Variants in CHST9 observed in about 807,000 individuals in gnomAD.
CHST9 encodes the protein GalNAc-4-sulfotransferase 2.
CHST9 carries 41 observed loss-of-function variants against 44.4 expected under a neutral mutation model. That is an observed-to-expected ratio of 0.92 (90% CI 0.72 to 1.20). The LOEUF (loss-of-function observed/expected upper bound fraction) is 1.20, where lower values mean the gene tolerates loss of function less well. CHST9 is among the 50% of genes most tolerant of loss of function. The pLI is 0.00. For synonymous variants in CHST9, 171 were observed against 178.4 expected (o/e 0.96, Z 0.33); for missense variants, 504 against 516.5 (o/e 0.98, Z 0.23).
chr18:27,068,153 G>A (rs2057801636), intron 2 of CHST9, among the ~76,000 whole-genome samples: 1 of 152,136 alleles, frequency 6.6e-6, no homozygotes, highest in African/African-American at 2.4e-5. Flanking sequence ...GAGGAATAAA[G>A]AGAGATAGAG....
Position 26,909,119 on chromosome 18 carries a change from G to C in CHST9, c.*7140C>G, listed in dbSNP as rs2055406695. On this transcript the variant is annotated 3_prime_UTR_variant, in exon 6 of 6. Coordinates refer to ENST00000618847, the MANE Select transcript of CHST9 (RefSeq NM_031422.6). ...CCCCGTCCCTCACTTCATCATTTCA[G>C]CTCTAGTTCTTGCACTTGGCAGACT... 1 of 152,194 alleles carries C rather than the reference G, an allele frequency of 6.6e-6. No individual in the cohort carries two copies. Among genetic ancestry groups the C allele is most frequent in the Non-Finnish European group, 1.5e-5 (1 of 68,042 alleles). The allele number at this position is 152,194 out of a possible 1,614,324, so 9.4% of individuals were successfully genotyped here. A position where few individuals can be genotyped will look rare whatever the true frequency, so the allele number is the denominator to read the frequency against.
chr18:27,113,768 T>G (rs1009327587), intron 2 of CHST9, among the ~76,000 whole-genome samples: 2 of 152,186 alleles, frequency 1.3e-5, no homozygotes, highest in Non-Finnish European at 2.9e-5. Context: ...AGCTCCCCAG[T>G]TTACGGTATT....
intron 4 of CHST9, among the ~76,000 whole-genome samples, chr18:27,005,049 C>G (rs2057000006): frequency 6.6e-6 from 1 of 152,090 alleles, no homozygotes; most frequent in African/African-American, 2.4e-5. Context: ...TATACTTTTC[C>G]AGTTATGATT....
At chr18:26,934,237 CTTT>C (rs1201999943) in intron 5 of CHST9, 7 of 142,988 alleles carry the variant, frequency 4.9e-5, no homozygotes, top group Non-Finnish European at 4.6e-5. Context: ...TTCTTTCTTT[CTTT>C]TTTTTTTTTT....
chr18:26,953,292 G>A (rs975676599), intron 4 of CHST9, among the ~76,000 whole-genome samples: 2 of 152,172 alleles, frequency 1.3e-5, no homozygotes, highest in Admixed American at 6.5e-5. Flanking sequence ...ATGGAAGTTG[G>A]GGAGAATAAT....
At chr18:26,984,178 A>C (rs971012026) in intron 4 of CHST9, among the ~76,000 whole-genome samples, 1 of 152,246 alleles carries the variant, frequency 6.6e-6, no homozygotes, top group Non-Finnish European at 1.5e-5. Flanking sequence ...TAACTTTTCC[A>C]ATATATAAAA....
Position 26,962,012 on chromosome 18 carries a change from C to T in CHST9, c.203-17646G>A, listed in dbSNP as rs536335165. 6.6e-5 allele frequency among the ~76,000 whole-genome samples: 10 copies of T among 152,230 alleles called. No homozygotes were observed. In the East Asian group the frequency reaches 1.9e-3, roughly 29 times the overall value. ...GGCAGGGAGACACACAGGACAGATTCGGAGTGAGAGTTGCCATAGGAATAA... is the reference window on the plus strand; with the variant it reads ...GGCAGGGAGACACACAGGACAGATTTGGAGTGAGAGTTGCCATAGGAATAA... On this transcript the variant is annotated intron_variant, in intron 4 of 5. Transcript: ENST00000618847.
At chr18:26,990,230 G>A (rs961906872) in intron 4 of CHST9, among the ~76,000 whole-genome samples, 2 of 152,124 alleles carry the variant, frequency 1.3e-5, no homozygotes, top group Non-Finnish European at 2.9e-5. Flanking sequence ...GGGGTGGTAG[G>A]GAAGGGTCAA....
rs184843453 is a variant in CHST9, at chr18:26,931,505, A to G, written c.240+12824T>C. 1.7e-4 allele frequency among the ~76,000 whole-genome samples: 26 copies of G among 152,306 alleles called. No homozygotes were observed. The East Asian group carries it at 4.2e-3, about 25-fold the overall frequency. ...CCAAAGAAAAGACTTGCCCTTCTGGATTAATTCACAGACCTGTGGGAAGAC... is the reference window on the plus strand; with the variant it reads ...CCAAAGAAAAGACTTGCCCTTCTGGGTTAATTCACAGACCTGTGGGAAGAC... On this transcript the variant is annotated intron_variant, in intron 5 of 5. Coordinates refer to ENST00000618847, the MANE Select transcript of CHST9 (RefSeq NM_031422.6).
intron 3 of CHST9, among the ~76,000 whole-genome samples, chr18:27,042,362 G>A (rs1011239320): frequency 2.0e-5 from 3 of 152,026 alleles, no homozygotes; most frequent in Admixed American, 1.3e-4. Flanking sequence ...ACTGGTCAAT[G>A]TTTAAAACTG....
At chr18:27,087,183 C>A (rs1007851515) in intron 2 of CHST9, among the ~76,000 whole-genome samples, 3 of 152,084 alleles carry the variant, frequency 2.0e-5, no homozygotes, top group Non-Finnish European at 4.4e-5. Context: ...TTGAATTGGA[C>A]TCTATTCTCT....
intron 2 of CHST9, among the ~76,000 whole-genome samples, chr18:27,125,363 C>T (rs2058411450): frequency 6.6e-6 from 1 of 152,040 alleles, no homozygotes; most frequent in Non-Finnish European, 1.5e-5. Context: ...AGACTTTGCC[C>T]ATATGGTACG....
At chr18:27,092,636 G>A (rs1161729601) in intron 2 of CHST9, among the ~76,000 whole-genome samples, 2 of 152,088 alleles carry the variant, frequency 1.3e-5, no homozygotes, top group African/African-American at 4.8e-5. Context: ...AGAGATTCTG[G>A]TATGTTGTGT....
At chr18:27,127,792 TAGA>T (rs1447793265) in intron 2 of CHST9, among the ~76,000 whole-genome samples, 1 of 151,404 alleles carries the variant, frequency 6.6e-6, no homozygotes, top group East Asian at 1.9e-4. Context: ...CAGATGTGAG[TAGA>T]AGAATAAGGA....
At chr18:26,934,857 C>G (rs2145095548) in intron 5 of CHST9, 1 of 152,346 alleles carries the variant, frequency 6.6e-6, no homozygotes, top group East Asian at 1.9e-4. Flanking sequence ...TTGGCTGTTT[C>G]AAACTCCCAT....
At chr18:27,179,078 G>GTC (rs34391433) in intron 1 of CHST9, among the ~76,000 whole-genome samples, 60 of 150,128 alleles carry the variant, frequency 4.0e-4, no homozygotes, top group African/African-American at 9.8e-4. Context: ...GTGTGATAAT[G>GTC]TCTCTCTCTC....
chr18:27,044,053 G>A (rs1231048876), intron 3 of CHST9, among the ~76,000 whole-genome samples: 1 of 106,974 alleles, frequency 9.3e-6, no homozygotes, highest in Non-Finnish European at 2.0e-5. Context: ...TTTGGACAGC[G>A]AGCCCTTCCC....
intron 5 of CHST9, among the ~76,000 whole-genome samples, chr18:26,941,593 C>T (rs950645825): frequency 6.6e-6 from 1 of 151,046 alleles, no homozygotes; most frequent in African/African-American, 2.4e-5. Flanking sequence ...TAACATTTTT[C>T]AGATAGGAAA....
Position 27,024,148 on chromosome 18 carries a change from G to A in CHST9, c.170C>T (p.Pro57Leu), listed in dbSNP as rs1299418500. The change falls in exon 4 of 6, where the codon CCA (proline) becomes CTA (leucine). Residue 57 changes from proline to leucine, a missense_variant. By Grantham distance (98) the Pro-to-Leu change is moderately conservative (BLOSUM62 -3). Transcript: ENST00000618847. ...GGGTACAGGCCGCAAGTACTTCACT[G>A]GTCCCCATCCTGAAAAAGAAGAGGA... ...REQKVTSGWG[P>L]VKYLRPVPRI... The A allele has an allele frequency of 1.9e-6, 3 of 1,611,022 alleles. No individual in the cohort carries two copies. The highest frequency in any genetic ancestry group is 3.4e-5 in the Admixed American group (2 of 59,530).
Sources: gnomAD v4.1 joint callset for allele counts (sites outside exome capture counted in the v4.1 genomes callset) on GRCh38, gnomAD v4.1.1 for gene constraint, MANE v1.5 for transcripts, NCBI Gene and HGNC (gene_info 2026-07-23, HGNC 2026-07-21) for gene names.